AHDC1: variants seen among roughly 807,000 people sequenced by gnomAD.
AHDC1 encodes transcription factor Gibbin.
Under a neutral mutation model 87.9 loss-of-function variants are expected in AHDC1, and 7 were observed. The ratio of observed to expected loss-of-function variants is 0.08; its 90% CI spans 0.05 to 0.15. The LOEUF is 0.15. AHDC1 is among the 10% of genes least tolerant of loss of function. The probability of loss-of-function intolerance (pLI) is 1.00; values close to 1 mark genes in which losing one functional copy is unlikely to be tolerated. For missense variants in AHDC1, 1,841 were observed against 2,253.2 expected (o/e 0.82, Z 3.70); for synonymous variants, 1,051 against 1,006.8 (o/e 1.04, Z -0.83).
chr1:27,594,740 C>T (rs1261891144), intron 3 of AHDC1, among the ~76,000 whole-genome samples: 1 of 152,152 alleles, frequency 6.6e-6, no homozygotes, highest in Non-Finnish European at 1.5e-5. Context: ...CAGGCTGAGG[C>T]TGTCTAGGGG....
At chr1:27,592,746 C>G (rs2148477584) in intron 3 of AHDC1, among the ~76,000 whole-genome samples, 1 of 152,294 alleles carries the variant, frequency 6.6e-6, no homozygotes, top group African/African-American at 2.4e-5. Flanking sequence ...GCAGGAGGCC[C>G]CTGTAGACAG....
chr1:27,588,145 T>C (rs1325142246), intron 3 of AHDC1, among the ~76,000 whole-genome samples: 1 of 152,204 alleles, frequency 6.6e-6, no homozygotes, highest in Non-Finnish European at 1.5e-5. Flanking sequence ...TGAACGTCCC[T>C]CCGTTTTCTC....
At chr1:27,592,315 G>A (rs947513766) in intron 3 of AHDC1, among the ~76,000 whole-genome samples, 1 of 152,002 alleles carries the variant, frequency 6.6e-6, no homozygotes, top group Non-Finnish European at 1.5e-5. Context: ...TGCCTGCCTC[G>A]CACCCGCACC....
In AHDC1 at chr1:27,547,122, A is replaced by G. The variant is rs2019202570; in HGVS notation, c.*43+139T>C. The G allele has an allele frequency of 1.0e-5, 6 of 583,872 alleles. No individual in the cohort carries two copies. Among genetic ancestry groups the G allele is most frequent in the Non-Finnish European group, 1.7e-5 (6 of 355,230 alleles). The allele number at this position is 583,872 out of a possible 1,614,324, so 36.2% of individuals were successfully genotyped here. ...GCAACAGCGAATCCTGAATCCCTAC[A>G]CCCTGCTCTCAGTCCCCAGCCTTGC... On this transcript the variant is annotated intron_variant, in intron 8 of 8. Coordinates refer to ENST00000673934, the MANE Select transcript of AHDC1 (RefSeq NM_001371928.1). This position sits in a 1 kb window ranked among gnomAD's most constrained non-coding sequence, Gnocchi z 4.9.
intron 3 of AHDC1, among the ~76,000 whole-genome samples, chr1:27,573,148 C>T (rs1040138855): frequency 6.6e-6 from 1 of 152,118 alleles, no homozygotes. Context: ...GGTGGGGATA[C>T]CTTGACAGGA....
chr1:27,578,332 G>A (rs961930777), intron 3 of AHDC1, among the ~76,000 whole-genome samples: 1 of 152,172 alleles, frequency 6.6e-6, no homozygotes, highest in African/African-American at 2.4e-5. Flanking sequence ...GCTCATGCCT[G>A]TAATCCCACA....
chr1:27,548,759 C>G lies in AHDC1; in HGVS notation c.3357G>C (p.Trp1119Cys). 6.2e-7 allele frequency: 1 copy of G among 1,613,218 alleles called. No individual in the cohort carries two copies. The highest frequency in any genetic ancestry group is 1.3e-5 in the African/African-American group (1 of 75,050). ...AGAGCTGACTAAAGGCCTCTGAGGC[C>G]CAGTCCAGGCCTCCATAGCCCTGCC... is the stretch of plus-strand genomic sequence containing the variant. ...PFRQGYGGLD[W>C]ASEAFSQLYN... The change falls in exon 8 of 9, where the codon TGG becomes TGC. Residue 1119 changes from tryptophan (W) to cysteine (C), a missense_variant. Coordinates refer to ENST00000673934, the MANE Select transcript of AHDC1 (RefSeq NM_001371928.1).
rs1418730867 is a variant in AHDC1 at position 27,603,741 on chromosome 1, C to A, written c.-740G>T. 2.7e-5 allele frequency: 4 copies of A among 147,182 alleles called. No individual in the cohort carries two copies. The highest frequency in any genetic ancestry group is 6.8e-5 in the Admixed American group (1 of 14,754). 9.1% of individuals were successfully genotyped at this position (147,182 alleles called of 1,614,324 possible). On this transcript the variant is annotated 5_prime_UTR_variant, in exon 2 of 9. Transcript: ENST00000673934. ...CCAATAGCAAACCTGGGAGGGAACG[C>A]GCCCCGCGTAGTCCTCCTGCTCCTC...
intron 3 of AHDC1, among the ~76,000 whole-genome samples, chr1:27,585,917 G>C (rs2089042132): frequency 6.6e-6 from 1 of 152,156 alleles, no homozygotes; most frequent in Non-Finnish European, 1.5e-5. Flanking sequence ...CTATACAAGG[G>C]GTTAATCCCC....
Position 27,549,881 on chromosome 1 carries a change from C to T in AHDC1, c.2235G>A (p.Arg745=), listed in dbSNP as rs758063419. The T allele has an allele frequency of 3.1e-6, 5 of 1,613,612 alleles. No homozygotes were observed. The highest frequency in any genetic ancestry group is 4.2e-6 in the Non-Finnish European group (5 of 1,179,760). Residue 745 remains arginine (R), a synonymous_variant, in exon 8 of 9, where the codon CGG becomes CGA. Transcript: ENST00000673934. The stretch of plus-strand genomic sequence containing the variant: ...GCTCTGGGAACAGAGTCCCATTCTT[C>T]CGGGACCGTCTCTTGCGCTTTGGCT... ...TGKPKRKRRS[R]KNGTLFPEQV... is the part of the protein sequence containing the mutation.
At chr1:27,537,869 C>T (rs1249559476) in intron 8 of AHDC1, among the ~76,000 whole-genome samples, 2 of 152,184 alleles carry the variant, frequency 1.3e-5, no homozygotes, top group African/African-American at 4.8e-5. Context: ...CAGTGAGGGA[C>T]AGCTGAGCAG....
chr1:27,556,480 G>A (rs962467798), intron 5 of AHDC1, among the ~76,000 whole-genome samples: 4 of 151,946 alleles, frequency 2.6e-5, no homozygotes, highest in African/African-American at 9.7e-5. Flanking sequence ...CTGTCCCTCA[G>A]GGACTAGTCA....
intron 3 of AHDC1, among the ~76,000 whole-genome samples, chr1:27,596,507 G>T (rs753582205): frequency 6.6e-6 from 1 of 151,942 alleles, no homozygotes; most frequent in Non-Finnish European, 1.5e-5. Flanking sequence ...TCCAGGCCGG[G>T]GGCCCCTTCC....
intron 3 of AHDC1, among the ~76,000 whole-genome samples, chr1:27,581,799 C>A (rs552264364): frequency 2.6e-5 from 4 of 152,236 alleles, no homozygotes; most frequent in African/African-American, 9.6e-5. Flanking sequence ...TTTAGCCTGA[C>A]ATTCAGGGGC....
chr1:27,580,963 T>G (rs1326710716), intron 3 of AHDC1, among the ~76,000 whole-genome samples: 1 of 152,018 alleles, frequency 6.6e-6, no homozygotes, highest in Non-Finnish European at 1.5e-5. Flanking sequence ...GACTCCCGAG[T>G]AGCTAGGATT....
rs1000087396 is a variant in AHDC1 at position 27,594,462 on chromosome 1, G to A, written c.-629+8935C>T. Among the ~76,000 whole-genome samples, 27 of 152,226 alleles carry A rather than the reference G, an allele frequency of 1.8e-4. 1 individual carries two copies. Among genetic ancestry groups the A allele is most frequent in the African/African-American group, 6.3e-4 (26 of 41,442 alleles). ...GGGTACTGAGAGTTCCTGGCTGAAA[G>A]ACCAGGATGACCAGGTGCCAAGGGG... On this transcript the variant is annotated intron_variant, in intron 3 of 8. Coordinates refer to ENST00000673934, the MANE Select transcript of AHDC1 (RefSeq NM_001371928.1).
chr1:27,596,658 T>C (rs1261122141), intron 3 of AHDC1, among the ~76,000 whole-genome samples: 3 of 152,060 alleles, frequency 2.0e-5, no homozygotes, highest in African/African-American at 4.8e-5. Flanking sequence ...CACGCACTCA[T>C]ACACCTTCCC....
In AHDC1 at chr1:27,561,602, T is replaced by C. The variant is rs997970418; in HGVS notation, c.-628-2719A>G. 2.6e-5 allele frequency among the ~76,000 whole-genome samples: 4 copies of C among 152,044 alleles called. No individual in the cohort carries two copies. Among genetic ancestry groups the C allele is most frequent in the Admixed American group, 2.6e-4 (4 of 15,288 alleles). On this transcript the variant is annotated intron_variant, in intron 3 of 8. Transcript: ENST00000673934. The surrounding 1 kb of genome is among the most constrained non-coding windows in gnomAD (Gnocchi z 4.2). ...GAATCACATGTTTCCCATTAGCTGCTCTGGCCTCCTTGTTCAGGGGGTGTT... is the reference window on the plus strand; with the variant it reads ...GAATCACATGTTTCCCATTAGCTGCCCTGGCCTCCTTGTTCAGGGGGTGTT...
intron 1 of AHDC1, 89 bp downstream of exon 1, chr1:27,604,017 G>T: frequency 6.7e-6 from 1 of 149,122 alleles, no homozygotes; most frequent in South Asian, 2.1e-4. Flanking sequence ...CCTGGCGGGT[G>T]GCTCGCTCTG....
Sources: gnomAD v4.1 joint callset for allele counts (sites outside exome capture counted in the v4.1 genomes callset) on GRCh38, gnomAD v4.1.1 for gene constraint, Gnocchi (gnomAD v3.1) non-coding constraint, MANE v1.5 for transcripts, NCBI Gene and HGNC (gene_info 2026-07-23, HGNC 2026-07-21) for gene names.